AQP5: variants seen among roughly 807,000 people sequenced by gnomAD.
AQP5 encodes the protein aquaporin 5.
Under a neutral mutation model 19.1 loss-of-function variants are expected in AQP5, and 15 were observed. That is an observed-to-expected ratio of 0.79 (90% confidence interval 0.53 to 1.21). The LOEUF is 1.21. Among genes scored for constraint, AQP5 ranks in the 50% most tolerant of loss-of-function variants. The pLI, the probability that AQP5 is intolerant of heterozygous loss-of-function variation, is 0.00. For missense variants in AQP5, 355 were observed against 357.1 expected, an observed-to-expected ratio of 0.99 and a Z score of 0.05; for synonymous variants, 182 against 160.3, an observed-to-expected ratio of 1.14 and a Z score of -1.02.
chr12:49,962,344 A>G lies in AQP5; in HGVS notation c.327A>G (p.Ala109=). The change falls in exon 1 of 4, where the codon GCA becomes GCG. Residue 109 remains alanine, a synonymous_variant. Coordinates refer to ENST00000293599, the MANE Select transcript of AQP5 (RefSeq NM_001651.4). ...GGGCTGGCATCCTCTACGGTGTGGCACCGCTCAATGCCCGGGGCAATCTGG... is the reference window on the plus strand; with the variant it reads ...GGGCTGGCATCCTCTACGGTGTGGCGCCGCTCAATGCCCGGGGCAATCTGG... ...IAGAGILYGV[A]PLNARGNLAV... 1 of 1,599,682 alleles carries G rather than the reference A, an allele frequency of 6.3e-7. No individual in the cohort carries two copies. The highest frequency in any genetic ancestry group is 8.5e-7 in the Non-Finnish European group (1 of 1,178,810).
In AQP5 at chr12:49,961,936, C is replaced by T. The variant is rs1947426839; in HGVS notation, c.-82C>T. The stretch of plus-strand genomic sequence containing the variant: ...CGCCCCGCAGCCAGGCCCCCGCCCC[C>T]GCCGCATCCACCTCCTCCGCCGCCT... On this transcript the variant is annotated 5_prime_UTR_variant, in exon 1 of 4. Transcript: ENST00000293599. The T allele has an allele frequency of 3.2e-6, 3 of 932,476 alleles. No homozygotes were observed. The highest frequency in any genetic ancestry group is 4.6e-5 in the Admixed American group (1 of 21,630). 57.8% of individuals were successfully genotyped at this position (932,476 alleles called of 1,614,324 possible).
At position 49,965,374 on chromosome 12, in the gene AQP5, T is replaced by G; in HGVS notation, c.*197T>G. ...CTGGGGTAGGGGCCAGGGGCTGGGGTCTGCTGGGGACAGGTCTCTCTGGGA... is the reference window on the plus strand; with the variant it reads ...CTGGGGTAGGGGCCAGGGGCTGGGGGCTGCTGGGGACAGGTCTCTCTGGGA... On this transcript the variant is annotated 3_prime_UTR_variant, in exon 4 of 4. Coordinates refer to ENST00000293599, the MANE Select transcript of AQP5 (RefSeq NM_001651.4). 1.6e-6 allele frequency: 1 copy of G among 617,356 alleles called. No individual in the cohort carries two copies. The highest frequency in any genetic ancestry group is 2.7e-6 in the Non-Finnish European group (1 of 368,594). 38.2% of individuals were successfully genotyped at this position (617,356 alleles called of 1,614,324 possible).
At chr12:49,964,236 G>T (rs1240406898) in intron 3 of AQP5, 61 bp downstream of exon 3, 6 of 1,530,698 alleles carry the variant, frequency 3.9e-6, no homozygotes, top group Non-Finnish European at 5.4e-6. Flanking sequence ...AGCAGTGGCA[G>T]CTCAGAGCTC....
intron 2 of AQP5, 85 bp downstream of exon 2, chr12:49,963,741 A>G (rs1195175360): frequency 6.7e-7 from 1 of 1,497,802 alleles, no homozygotes; most frequent in Non-Finnish European, 9.0e-7. Flanking sequence ...AGCCCACTTC[A>G]GATGGATGAG....
chr12:49,963,663 A>G lies in AQP5; in HGVS notation c.528+7A>G. ...CCTGGGCCACCTTGTCGGAGTGAGC[A>G]GTACCGACATTGGGCTGGGGTGAGG... On this transcript the variant is annotated splice_region_variant and intron_variant, in intron 2 of 3. Transcript: ENST00000293599. The G allele has an allele frequency of 2.5e-6, 4 of 1,611,626 alleles. No individual in the cohort carries two copies. Among genetic ancestry groups the G allele is most frequent in the East Asian group, 2.2e-5 (1 of 44,800 alleles).
rs34024281 is a variant in AQP5 at position 49,965,656 on chromosome 12, GC to G, written c.*480del. On this transcript the variant is annotated 3_prime_UTR_variant, in exon 4 of 4. Coordinates refer to ENST00000293599, the MANE Select transcript of AQP5 (RefSeq NM_001651.4). ...GGGGCTGCTGGTGTTTAGAGTGGGG[GC>G]TACCCAATAAATCACTGATACTCAC... 3.9e-5 allele frequency: 6 copies of G among 153,442 alleles called. No homozygotes were observed. The highest frequency in any genetic ancestry group is 1.2e-4 in the African/African-American group (5 of 41,462). 9.5% of individuals were successfully genotyped at this position (153,442 alleles called of 1,614,324 possible).
Position 49,965,126 on chromosome 12 carries a change from G to A in AQP5, c.747G>A (p.Trp249Ter), listed in dbSNP as rs373677892. ...GCACGTATGAGCCTGACGAGGACTGGGAGGAGCAGCGGGAAGAGCGGAAGA... is the reference window on the plus strand; with the variant it reads ...GCACGTATGAGCCTGACGAGGACTGAGAGGAGCAGCGGGAAGAGCGGAAGA... Reference protein sequence around the residue: ...IKGTYEPDEDWEEQREERKKT... With the variant: ...IKGTYEPDED Residue 249 changes from tryptophan (W) to a stop codon, truncating the protein, a stop_gained, in exon 4 of 4, where the codon TGG becomes TGA. Transcript: ENST00000293599. LOFTEE classifies it high-confidence loss of function. 1.9e-6 allele frequency: 3 copies of A among 1,613,820 alleles called. No homozygotes were observed. Among genetic ancestry groups the A allele is most frequent in the African/African-American group, 1.3e-5 (1 of 74,926 alleles).
intron 2 of AQP5, 116 bp downstream of exon 2, chr12:49,963,772 G>A (rs1041982381): frequency 9.6e-5 from 130 of 1,355,728 alleles, no homozygotes; most frequent in Non-Finnish European, 1.3e-4. Flanking sequence ...TTTAAGGCCT[G>A]GATTTAGGGC....
At chr12:49,964,772 T>C (rs1258764459) in intron 3 of AQP5, 1 of 985,414 alleles carries the variant, frequency 1.0e-6, no homozygotes, top group African/African-American at 1.7e-5. Flanking sequence ...GTTTGCCTTC[T>C]TTGAGGGTCT....
rs575071552 is a variant in AQP5 at position 49,962,049 on chromosome 12, T to C, written c.32T>C (p.Leu11Pro). ...AAGGAGGTGTGCTCCGTGGCCTTCC[T>C]CAAGGCCGTGTTCGCAGAGTTCTTG... MKKEVCSVAF[L>P]KAVFAEFLAT... Residue 11 changes from leucine to proline, a missense_variant, in exon 1 of 4, where the codon CTC becomes CCC. Physicochemically the swap from Leu to Pro is moderately conservative, Grantham distance 98. Coordinates refer to ENST00000293599, the MANE Select transcript of AQP5 (RefSeq NM_001651.4). The C allele has an allele frequency of 3.1e-6, 5 of 1,604,350 alleles. No homozygotes were observed. The South Asian group carries it at 3.3e-5, about 11-fold the overall frequency.
In AQP5 at chr12:49,963,998, GC is replaced by G. The variant is rs1455073147; in HGVS notation, c.529-90del. 209 of 1,284,964 alleles carry G rather than the reference GC, an allele frequency of 1.6e-4. 2 individuals carry two copies. Among genetic ancestry groups the G allele is most frequent in the Non-Finnish European group, 2.1e-4 (189 of 888,758 alleles). 79.6% of individuals were successfully genotyped at this position (1,284,964 alleles called of 1,614,324 possible). On this transcript the variant is annotated intron_variant, in intron 2 of 3. Transcript: ENST00000293599. ...CAGCCTGAGTTTGAGACCTGGCTGA[GC>G]CCCTGGACTGCAGTGTAACCTTGAG...
intron 1 of AQP5, chr12:49,962,644 A>C: frequency 1.4e-5 from 5 of 361,994 alleles, no homozygotes; most frequent in South Asian, 5.2e-5. Context: ...CCTGCCAGAA[A>C]CTTCTGCCTC....
At chr12:49,964,604 A>G (rs939746131) in intron 3 of AQP5, 2 of 976,250 alleles carry the variant, frequency 2.0e-6, no homozygotes, top group Admixed American at 1.2e-4. Flanking sequence ...CCCCTTTGGA[A>G]GCTCATGGTC....
At chr12:49,964,653 G>GA (rs1200353283) in intron 3 of AQP5, 8 of 985,178 alleles carry the variant, frequency 8.1e-6, no homozygotes, top group Non-Finnish European at 9.6e-6. Context: ...GCGTGGAGGG[G>GA]ACACGCGCTC....
intron 3 of AQP5, chr12:49,964,605 G>A: frequency 1.0e-6 from 1 of 977,590 alleles, no homozygotes; most frequent in Non-Finnish European, 1.2e-6. Context: ...CCCTTTGGAA[G>A]CTCATGGTCA....
chr12:49,965,333 A>C lies in AQP5; in HGVS notation c.*156A>C. 1 of 904,036 alleles carries C rather than the reference A, an allele frequency of 1.1e-6. No individual in the cohort carries two copies. Among genetic ancestry groups the C allele is most frequent in the Non-Finnish European group, 1.6e-6 (1 of 625,644 alleles). 56.0% of individuals were successfully genotyped at this position (904,036 alleles called of 1,614,324 possible). A position where few individuals can be genotyped will look rare whatever the true frequency, so the allele number is the denominator to read the frequency against. Reference sequence around the variant, plus strand: ...TGCACAGTTAGAGAGGGGAGAAGGAACCCATGATGGGACTCCTGGGGTAGG... The same window carrying C: ...TGCACAGTTAGAGAGGGGAGAAGGACCCCATGATGGGACTCCTGGGGTAGG... On this transcript the variant is annotated 3_prime_UTR_variant, in exon 4 of 4. Transcript: ENST00000293599.
In AQP5 at chr12:49,964,120, C is replaced by G. The variant is rs772153691; in HGVS notation, c.557C>G (p.Pro186Arg). Reference sequence around the variant, plus strand: ...TACTTCACTGGCTGCTCCATGAACCCAGCCCGCTCTTTTGGCCCTGCGGTG... The same window carrying G: ...TACTTCACTGGCTGCTCCATGAACCGAGCCCGCTCTTTTGGCCCTGCGGTG... Reference protein sequence around the residue: ...GIYFTGCSMNPARSFGPAVVM... With the variant: ...GIYFTGCSMNRARSFGPAVVM... The change falls in exon 3 of 4, where the codon CCA becomes CGA. Residue 186 changes from proline (P) to arginine (R), a missense_variant. Pro to Arg is a moderately radical substitution (Grantham distance 103, BLOSUM62 -2). Transcript: ENST00000293599. 1.5e-5 allele frequency: 25 copies of G among 1,614,066 alleles called. No individual in the cohort carries two copies. The highest frequency in any genetic ancestry group is 2.1e-5 in the Non-Finnish European group (25 of 1,180,028).
intron 3 of AQP5, chr12:49,964,638 T>C (rs936719831): frequency 3.0e-6 from 3 of 985,192 alleles, no homozygotes; most frequent in African/African-American, 1.7e-5. Context: ...TCTGCTTCTA[T>C]CCCTGCGTGG....
chr12:49,962,405 G>A, intron 1 of AQP5, 25 bp downstream of exon 1: 1 of 1,422,784 alleles, frequency 7.0e-7, no homozygotes, highest in East Asian at 2.5e-5. Context: ...GGGGGGGTGG[G>A]AGCCTCGACC....
Sources: allele counts gnomAD v4.1 joint callset, GRCh38; gene constraint gnomAD v4.1.1; transcripts MANE v1.5; gene names NCBI Gene and HGNC (gene_info 2026-07-23, HGNC 2026-07-21).